TMEM169: variants seen among roughly 807,000 people sequenced by gnomAD.
TMEM169 encodes transmembrane protein 169.
In TMEM169, 18 loss-of-function variants were observed where a neutral mutation model predicts 27.3. That is an observed-to-expected ratio of 0.66 (90% CI 0.46 to 0.98). The LOEUF (loss-of-function observed/expected upper bound fraction) is 0.98, where lower values mean the gene tolerates loss of function less well. Ranked by LOEUF, TMEM169 falls within the 50% of genes least tolerant of loss-of-function variation. The pLI, the probability that TMEM169 is intolerant of heterozygous loss-of-function variation, is 0.00. For synonymous variants in TMEM169, 136 were observed against 142.1 expected, an observed-to-expected ratio of 0.96 and a Z score of 0.30; for missense variants, 320 against 368.6, an observed-to-expected ratio of 0.87 and a Z score of 1.08.
Position 216,099,070 on chromosome 2 carries a change from ATG to A in TMEM169, c.272-839_272-838del, listed in dbSNP as rs905518754. Among the ~76,000 whole-genome samples, 20 of 136,394 alleles carry A rather than the reference ATG, an allele frequency of 1.5e-4. No individual in the cohort carries two copies. The highest frequency in any genetic ancestry group is 4.5e-3 in the Middle Eastern group (1 of 220). The allele number at this position is 136,394 out of a possible 152,430, so 89.5% of individuals were successfully genotyped here. A position where few individuals can be genotyped will look rare whatever the true frequency, so the allele number is the denominator to read the frequency against. On this transcript the variant is annotated intron_variant, in intron 2 of 2. Coordinates refer to ENST00000437356, the MANE Select transcript of TMEM169 (RefSeq NM_001142311.2). The surrounding 1 kb of genome is among the most constrained non-coding windows in gnomAD (Gnocchi z 5.0). ...TGTATGTGTGGTGTGTGTGATGTGT[ATG>A]TGTGTGTGTGGTGTGTTATGTGTGT... is the stretch of plus-strand genomic sequence containing the variant.
Position 216,100,662 on chromosome 2 carries a change from C to T in TMEM169, c.*120C>T. On this transcript the variant is annotated 3_prime_UTR_variant, in exon 3 of 3. Transcript: ENST00000437356. ...CGCAGTTCTTCTGGGAAATCAGAGT[C>T]CATACTGATCAGTTTTACCATCTTG... The T allele has an allele frequency of 7.3e-7, 1 of 1,360,706 alleles. No individual in the cohort carries two copies. The allele number at this position is 1,360,706 out of a possible 1,614,324, so 84.3% of individuals were successfully genotyped here.
chr2:216,092,287 C>T (rs1410163385), intron 1 of TMEM169, among the ~76,000 whole-genome samples: 1 of 152,154 alleles, frequency 6.6e-6, no homozygotes, highest in Non-Finnish European at 1.5e-5. Flanking sequence ...TTCCTGTTAT[C>T]TAACATTGGC....
chr2:216,093,841 A>G (rs905368697), intron 1 of TMEM169, among the ~76,000 whole-genome samples: 7 of 152,206 alleles, frequency 4.6e-5, no homozygotes, highest in Admixed American at 4.6e-4. Context: ...GAGATATGCT[A>G]TACAGTACTT....
In TMEM169 at chr2:216,096,108, C is replaced by T. The variant is rs1487744593; in HGVS notation, c.145C>T (p.Pro49Ser). 1 of 1,613,996 alleles carries T rather than the reference C, an allele frequency of 6.2e-7. No individual in the cohort carries two copies. Among genetic ancestry groups the T allele is most frequent in the Non-Finnish European group, 8.5e-7 (1 of 1,180,038 alleles). The change falls in exon 2 of 3, where the codon CCA becomes TCA. Residue 49 changes from proline (P) to serine (S), a missense_variant. Physicochemically the swap from Pro to Ser is moderately conservative, Grantham distance 74 (BLOSUM62 -1). Coordinates refer to ENST00000437356, the MANE Select transcript of TMEM169 (RefSeq NM_001142311.2). ...GAAAAAGAAGAGGAAAGAGTCACGCCCAGAATCCATCATCATCTACCGCTC... is the reference window on the plus strand; with the variant it reads ...GAAAAAGAAGAGGAAAGAGTCACGCTCAGAATCCATCATCATCTACCGCTC... ...HRKKKRKESR[P>S]ESIIIYRSDN... is the part of the protein sequence containing the mutation.
intron 1 of TMEM169, among the ~76,000 whole-genome samples, chr2:216,091,661 A>C (rs1317217686): frequency 6.6e-6 from 1 of 151,880 alleles, no homozygotes; most frequent in East Asian, 1.9e-4. Flanking sequence ...CCAGAAAGTG[A>C]GTCCTACCAA....
At position 216,095,832 on chromosome 2, in the gene TMEM169, T is replaced by C; in HGVS notation, c.-126-6T>C. ...CTGTTGATGGCTTTGCTTTCCTATC[T>C]TTCAGGTGGAATGCATCCTTGGGAC... is the stretch of plus-strand genomic sequence containing the variant. On this transcript the variant is annotated splice_region_variant and splice_polypyrimidine_tract_variant and intron_variant, in intron 1 of 2. Coordinates refer to ENST00000437356, the MANE Select transcript of TMEM169 (RefSeq NM_001142311.2). The C allele has an allele frequency of 9.1e-7, 1 of 1,101,538 alleles. No individual in the cohort carries two copies. The highest frequency in any genetic ancestry group is 1.3e-6 in the Non-Finnish European group (1 of 787,482). The allele number at this position is 1,101,538 out of a possible 1,614,324, so 68.2% of individuals were successfully genotyped here.
rs563602134 is a variant in TMEM169, at chr2:216,097,288, CACTTTGTGAGGCCA to C, written c.271+1056_271+1069del. Reference sequence around the variant, plus strand: ...CGGTGGCTCACACCTATAATCCCAGCACTTTGTGAGGCCAAGGCAGGCAGATCACGTGGGGTCAG... The same window carrying C: ...CGGTGGCTCACACCTATAATCCCAGCAGGCAGGCAGATCACGTGGGGTCAG... On this transcript the variant is annotated intron_variant, in intron 2 of 2. Coordinates refer to ENST00000437356, the MANE Select transcript of TMEM169 (RefSeq NM_001142311.2). Among the ~76,000 whole-genome samples the C allele has an allele frequency of 4.6e-3, 705 of 152,298 alleles. 7 individuals are homozygous for C. The highest frequency in any genetic ancestry group is 0.016 in the African/African-American group (659 of 41,572).
rs1420705073 is a variant in TMEM169 at position 216,100,190 on chromosome 2, A to G, written c.542A>G (p.Tyr181Cys). ...VFILSFVVSFYYGTITWYNIF... is the reference protein window; with the variant it reads ...VFILSFVVSFCYGTITWYNIF... The stretch of plus-strand genomic sequence containing the variant: ...ATCCTTTCTTTTGTTGTCTCTTTCT[A>G]CTACGGCACTATCACCTGGTACAAC... Residue 181 changes from tyrosine to cysteine, a missense_variant, in exon 3 of 3, where the codon TAC becomes TGC. By Grantham distance (194) the Tyr-to-Cys change is radical (BLOSUM62 -2). Coordinates refer to ENST00000437356, the MANE Select transcript of TMEM169 (RefSeq NM_001142311.2). The G allele has an allele frequency of 2.5e-6, 4 of 1,613,614 alleles. No individual in the cohort carries two copies. The highest frequency in any genetic ancestry group is 2.5e-6 in the Non-Finnish European group (3 of 1,179,996).
intron 1 of TMEM169, among the ~76,000 whole-genome samples, chr2:216,091,978 C>G (rs1158872965): frequency 1.3e-5 from 2 of 152,162 alleles, no homozygotes; most frequent in African/African-American, 2.4e-5. Flanking sequence ...GTGTCTCTGT[C>G]CTGTGACTAC....
At chr2:216,098,578 T>C (rs1226134654) in intron 2 of TMEM169, among the ~76,000 whole-genome samples, 1 of 152,134 alleles carries the variant, frequency 6.6e-6, no homozygotes, top group Non-Finnish European at 1.5e-5. Context: ...TTAGGTGGCT[T>C]CATCTTATCT....
At chr2:216,098,185 T>C (rs1214552529) in intron 2 of TMEM169, among the ~76,000 whole-genome samples, 1 of 152,106 alleles carries the variant, frequency 6.6e-6, no homozygotes, top group Admixed American at 6.5e-5. Context: ...AGAGACATCA[T>C]CTTGTTTATA....
intron 1 of TMEM169, among the ~76,000 whole-genome samples, chr2:216,091,194 G>GC (rs539790116): frequency 1.7e-3 from 264 of 152,228 alleles, no homozygotes; most frequent in African/African-American, 6.0e-3. Context: ...TGAAATTTCA[G>GC]CCCCCAAAGT....
Position 216,099,240 on chromosome 2 carries a change from G to T in TMEM169, c.272-680G>T, listed in dbSNP as rs62181309. Among the ~76,000 whole-genome samples, 94,411 of 151,152 alleles carry T rather than the reference G, an allele frequency of 0.62. 31,626 individuals are homozygous for T. Among genetic ancestry groups the T allele is most frequent in the African/African-American group, 0.87 (35,694 of 41,204 alleles). ...TATGGTGTTTGGTATATGTGGTGTG[G>T]GTATGTGGTGTGTATGTGGTATGTG... is the stretch of plus-strand genomic sequence containing the variant. On this transcript the variant is annotated intron_variant, in intron 2 of 2. Transcript: ENST00000437356. This position sits in a 1 kb window ranked among gnomAD's most constrained non-coding sequence, Gnocchi z 5.0.
At chr2:216,089,250 G>A (rs1439895281) in intron 1 of TMEM169, among the ~76,000 whole-genome samples, 3 of 152,144 alleles carry the variant, frequency 2.0e-5, no homozygotes, top group Admixed American at 2.0e-4. Context: ...GTGTGACAAG[G>A]AGAATAAGAA....
In TMEM169 at chr2:216,099,354, TGTGTGTATG is replaced by T. The variant is rs1696334770; in HGVS notation, c.272-556_272-548del. The stretch of plus-strand genomic sequence containing the variant: ...GTGATTGGGAGGTGGCATGTGTATG[TGTGTGTATG>T]GTGTGTATGTAGTATGTGAGAGGGT... On this transcript the variant is annotated intron_variant, in intron 2 of 2. Coordinates refer to ENST00000437356, the MANE Select transcript of TMEM169 (RefSeq NM_001142311.2). The surrounding 1 kb of genome is among the most constrained non-coding windows in gnomAD (Gnocchi z 5.0). Among the ~76,000 whole-genome samples the T allele has an allele frequency of 6.6e-6, 1 of 151,694 alleles. No individual in the cohort carries two copies. The highest frequency in any genetic ancestry group is 6.6e-5 in the Admixed American group (1 of 15,186).
At chr2:216,093,905 G>T (rs1202450924) in intron 1 of TMEM169, among the ~76,000 whole-genome samples, 1 of 152,168 alleles carries the variant, frequency 6.6e-6, no homozygotes, top group African/African-American at 2.4e-5. Flanking sequence ...AATGAATGGA[G>T]CCTAGTGGAA....
chr2:216,095,797 C>A, intron 1 of TMEM169, 41 bp from the exon 2 acceptor site: 1 of 697,652 alleles, frequency 1.4e-6, no homozygotes. Context: ...CATCTCACCC[C>A]ATTTGCTTCC....
intron 1 of TMEM169, among the ~76,000 whole-genome samples, chr2:216,094,754 T>C (rs1696220909): frequency 6.6e-6 from 1 of 152,196 alleles, no homozygotes; most frequent in Non-Finnish European, 1.5e-5. Flanking sequence ...ACCCGCTTTC[T>C]TTAACAAATA....
chr2:216,084,193 T>TA (rs1358684292), intron 1 of TMEM169, among the ~76,000 whole-genome samples: 6 of 132,042 alleles, frequency 4.5e-5, no homozygotes, highest in African/African-American at 1.7e-4. Flanking sequence ...ATCTGCCTGG[T>TA]AACTTTATTT....
Sources: gnomAD v4.1 joint callset for allele counts (sites outside exome capture counted in the v4.1 genomes callset) on GRCh38, gnomAD v4.1.1 for gene constraint, Gnocchi (gnomAD v3.1) non-coding constraint, MANE v1.5 for transcripts, NCBI Gene and HGNC (gene_info 2026-07-23, HGNC 2026-07-21) for gene names.